The following VIPR1 variants were observed in gnomAD, a reference collection of about 807,000 sequenced individuals.
VIPR1 encodes vasoactive intestinal polypeptide receptor 1.
In VIPR1, 59 loss-of-function variants were observed where a neutral mutation model predicts 58.8. That is an observed-to-expected ratio of 1.00 (90% CI 0.81 to 1.25). VIPR1 has a LOEUF of 1.25. VIPR1 is among the 50% of genes most tolerant of loss of function. The pLI, the probability that VIPR1 is intolerant of heterozygous loss-of-function variation, is 0.00. For missense variants in VIPR1, 626 were observed against 602.7 expected, an observed-to-expected ratio of 1.04 and a Z score of -0.40; for synonymous variants, 251 against 242.1, an observed-to-expected ratio of 1.04 and a Z score of -0.34.
chr3:42,530,662 A>C, intron 6 of VIPR1, 117 bp from the exon 7 acceptor site: 2 of 1,265,960 alleles, frequency 1.6e-6, no homozygotes, highest in Non-Finnish European at 2.2e-6. Context: ...AATGCAAAAC[A>C]ACAAAGAGAT....
intron 1 of VIPR1, chr3:42,489,820 T>C (rs1346879725): frequency 6.6e-6 from 1 of 152,326 alleles, no homozygotes; most frequent in Non-Finnish European, 1.5e-5. Context: ...CTCCGCAGTA[T>C]GGCCCTCCGC....
intron 1 of VIPR1, among the ~76,000 whole-genome samples, chr3:42,494,681 C>T (rs1197433272): frequency 6.6e-6 from 1 of 152,162 alleles, no homozygotes; most frequent in Non-Finnish European, 1.5e-5. Flanking sequence ...GGAAAGTTTA[C>T]TTTATTAATC....
chr3:42,533,819 G>A (rs979652277), intron 10 of VIPR1: 1 of 152,344 alleles, frequency 6.6e-6, no homozygotes, highest in Non-Finnish European at 1.5e-5. Flanking sequence ...GTCCAGGAAG[G>A]AGTGGGAGGG....
intron 1 of VIPR1, among the ~76,000 whole-genome samples, chr3:42,497,382 G>A (rs1699783420): frequency 6.6e-6 from 1 of 152,126 alleles, no homozygotes; most frequent in Admixed American, 6.6e-5. Context: ...GGAAGTAGAT[G>A]TGTCTGTATG....
chr3:42,525,975 G>A lies in VIPR1; in HGVS notation c.381G>A (p.Lys127=). ...PYPIACGLDD[K]AASLDEQQTM... ...CCATTGCCTGTGGTTTGGATGACAA[G>A]GCAGCGAGTTTGGATGAGGTGGGTC... Residue 127 remains lysine, a synonymous_variant, in exon 4 of 13, where the codon AAG becomes AAA. Transcript: ENST00000325123. The A allele has an allele frequency of 6.2e-7, 1 of 1,613,056 alleles. No individual in the cohort carries two copies. Among genetic ancestry groups the A allele is most frequent in the East Asian group, 2.2e-5 (1 of 44,856 alleles).
At chr3:42,531,957 T>C (rs1559497259) in intron 9 of VIPR1, 88 bp downstream of exon 9, 1 of 1,481,330 alleles carries the variant, frequency 6.8e-7, no homozygotes. Context: ...AATTAGTATC[T>C]AGGTCAGAAC....
rs1197908692 is a variant in VIPR1 at position 42,536,357 on chromosome 3, G to C, written c.*76G>C. 1.4e-6 allele frequency: 2 copies of C among 1,418,402 alleles called. No homozygotes were observed. The highest frequency in any genetic ancestry group is 1.5e-5 in the African/African-American group (1 of 67,706). 87.9% of individuals were successfully genotyped at this position (1,418,402 alleles called of 1,614,324 possible). A position where few individuals can be genotyped will look rare whatever the true frequency, so the allele number is the denominator to read the frequency against. ...ACCCCGGCAGACGCCGGGGACAGAG[G>C]CCTGCCCGGGCGCGGCCAGCCCCGG... On this transcript the variant is annotated 3_prime_UTR_variant, in exon 13 of 13. Coordinates refer to ENST00000325123, the MANE Select transcript of VIPR1 (RefSeq NM_004624.4).
intron 4 of VIPR1, 140 bp from the exon 5 acceptor site, chr3:42,527,253 G>T (rs1371077188): frequency 2.8e-6 from 2 of 712,800 alleles, no homozygotes; most frequent in Admixed American, 5.0e-5. Context: ...GCTGCTCTTG[G>T]GAGCCCCAGA....
intron 12 of VIPR1, among the ~76,000 whole-genome samples, chr3:42,535,688 G>A (rs1022053047): frequency 6.6e-6 from 1 of 152,200 alleles, no homozygotes; most frequent in East Asian, 1.9e-4. Flanking sequence ...ACCTAGTTAA[G>A]TGGCTGTGTG....
chr3:42,502,787 G>T lies in VIPR1; in HGVS notation c.52G>T (p.Ala18Ser). The change falls in exon 1 of 13, where the codon GCC (alanine) becomes TCC (serine). Residue 18 changes from alanine (A) to serine (S), a missense_variant. Physicochemically the swap from Ala to Ser is moderately conservative, Grantham distance 99 (BLOSUM62 1). Coordinates refer to ENST00000325123, the MANE Select transcript of VIPR1 (RefSeq NM_004624.4). ...PARWLCVLAG[A>S]LAWALGPAGG... is the part of the protein sequence containing the mutation. The stretch of plus-strand genomic sequence containing the variant: ...CCGCTGGCTATGCGTGCTGGCAGGC[G>T]CCCTCGCCTGGGCCCTTGGGCCGGC... 1 of 1,282,946 alleles carries T rather than the reference G, an allele frequency of 7.8e-7. No individual in the cohort carries two copies. The highest frequency in any genetic ancestry group is 9.8e-7 in the Non-Finnish European group (1 of 1,016,926). 79.5% of individuals were successfully genotyped at this position (1,282,946 alleles called of 1,614,324 possible). A position where few individuals can be genotyped will look rare whatever the true frequency, so the allele number is the denominator to read the frequency against.
At chr3:42,512,957 ACCCCAGTCACACTGGTCTGGCC>A in intron 1 of VIPR1, 1 of 985,360 alleles carries the variant, frequency 1.0e-6, no homozygotes, top group Non-Finnish European at 1.2e-6. Context: ...AAGGTCAGTG[ACCCCAGTCACACTGGTCTGGCC>A]CACCCCTGAT....
intron 1 of VIPR1, among the ~76,000 whole-genome samples, chr3:42,503,098 G>A (rs1699944285): frequency 6.6e-6 from 1 of 152,132 alleles, no homozygotes; most frequent in Non-Finnish European, 1.5e-5. Flanking sequence ...CTTCCTTGTC[G>A]TGGTTGTGGG....
upstream of VIPR1, among the ~76,000 whole-genome samples, chr3:42,498,819 A>G (rs971610283): frequency 6.6e-6 from 1 of 152,156 alleles, no homozygotes; most frequent in African/African-American, 2.4e-5. Context: ...GCGGGTGTTG[A>G]GACGTGAAGG....
chr3:42,530,703 C>G (rs530106208), intron 6 of VIPR1, 76 bp from the exon 7 acceptor site: 1 of 1,513,688 alleles, frequency 6.6e-7, no homozygotes, highest in South Asian at 1.2e-5. Flanking sequence ...TGTGTTTGTC[C>G]CCCCAGACAC....
upstream of VIPR1, among the ~76,000 whole-genome samples, chr3:42,501,093 G>A (rs7651400): frequency 0.1 from 15,763 of 152,078 alleles, 2,176 homozygotes; most frequent in African/African-American, 0.32. The surrounding 1 kb of genome is among the most constrained non-coding windows in gnomAD (Gnocchi z 4.8). Flanking sequence ...AAGGGAAGGA[G>A]GAGAGGGAGG....
chr3:42,493,230 T>A (rs1378420252), intron 1 of VIPR1, among the ~76,000 whole-genome samples: 1 of 152,124 alleles, frequency 6.6e-6, no homozygotes, highest in African/African-American at 2.4e-5. Flanking sequence ...AGACCCCAGA[T>A]TGCAGGCCAC....
At chr3:42,509,444 T>C in intron 1 of VIPR1, 1 of 152,468 alleles carries the variant, frequency 6.6e-6, no homozygotes, top group Non-Finnish European at 1.5e-5. Flanking sequence ...CCCAGCATCT[T>C]CACCCATACC....
chr3:42,493,753 G>A (rs1577189039), intron 1 of VIPR1, among the ~76,000 whole-genome samples: 1 of 152,222 alleles, frequency 6.6e-6, no homozygotes, highest in Non-Finnish European at 1.5e-5. Flanking sequence ...GCAAGGATCA[G>A]GATATGGCTG....
chr3:42,532,619 C>T, intron 10 of VIPR1: 1 of 533,982 alleles, frequency 1.9e-6, no homozygotes, highest in East Asian at 3.3e-5. Flanking sequence ...CAAGAGGACA[C>T]CGATGACCTG....
Sources: allele counts gnomAD v4.1 joint callset (sites outside exome capture counted in the v4.1 genomes callset), GRCh38; gene constraint gnomAD v4.1.1; non-coding constraint Gnocchi (gnomAD v3.1); transcripts MANE v1.5; gene names NCBI Gene and HGNC (gene_info 2026-07-23, HGNC 2026-07-21).